Variants in NTM observed in about 807,000 individuals in gnomAD.
The protein encoded by NTM is IgLON family member 2.
Under a neutral mutation model 42.1 loss-of-function variants are expected in NTM, and 13 were observed. That is an observed-to-expected ratio of 0.31 (90% CI 0.20 to 0.49). The LOEUF (loss-of-function observed/expected upper bound fraction) is 0.49, where lower values mean the gene tolerates loss of function less well. NTM is among the 20% of genes least tolerant of loss of function. NTM has a pLI of 0.99. For synonymous variants in NTM, 187 were observed against 179.2 expected (o/e 1.04, Z -0.35); for missense variants, 373 against 452.8 (o/e 0.82, Z 1.60).
intron 1 of NTM, among the ~76,000 whole-genome samples, chr11:131,587,429 C>T (rs533533070): frequency 1.0e-4 from 15 of 143,696 alleles, no homozygotes; most frequent in Middle Eastern, 3.5e-3. Flanking sequence ...GCCTGGGAGA[C>T]GGAGCGAGAC....
At position 131,728,560 on chromosome 11, in the gene NTM, A is replaced by G. The variant is rs140209989; in HGVS notation, c.83-183004A>G. ...TGGATTTTTGTGGAGGCTTCATTAC[A>G]TAGGCATGGCTGATTAAAACCCATT... On this transcript the variant is annotated intron_variant, in intron 1 of 8. Transcript: ENST00000683400. Among the ~76,000 whole-genome samples, 446 of 152,320 alleles carry G rather than the reference A, an allele frequency of 2.9e-3. 8 individuals carry two copies. The highest frequency in any genetic ancestry group is 0.01 in the African/African-American group (425 of 41,582).
intron 7 of NTM, among the ~76,000 whole-genome samples, chr11:132,328,815 C>T (rs1390368468): frequency 6.6e-6 from 1 of 152,078 alleles, no homozygotes; most frequent in African/African-American, 2.4e-5. Context: ...ATAGCCCCTC[C>T]CCCTCCTTAG....
At chr11:132,285,262 T>C (rs1388888706) in intron 4 of NTM, among the ~76,000 whole-genome samples, 1 of 152,210 alleles carries the variant, frequency 6.6e-6, no homozygotes, top group Non-Finnish European at 1.5e-5. Flanking sequence ...GGAGCCATCC[T>C]ACCTGGTTCT....
chr11:131,770,223 G>A (rs2085834058), intron 1 of NTM, among the ~76,000 whole-genome samples: 1 of 152,230 alleles, frequency 6.6e-6, no homozygotes, highest in African/African-American at 2.4e-5. Context: ...TCCCCTGACA[G>A]AGGAGACCAG....
At chr11:132,196,129 G>T (rs1424654526) in intron 3 of NTM, among the ~76,000 whole-genome samples, 1 of 152,062 alleles carries the variant, frequency 6.6e-6, no homozygotes, top group Non-Finnish European at 1.5e-5. Flanking sequence ...TAAAAAATAG[G>T]CGAAGGACAT....
intron 2 of NTM, among the ~76,000 whole-genome samples, chr11:131,975,292 T>C (rs1160263434): frequency 6.6e-6 from 1 of 152,120 alleles, no homozygotes; most frequent in African/African-American, 2.4e-5. Flanking sequence ...GCAATTCTTC[T>C]GCCTCAGCCT....
intron 1 of NTM, among the ~76,000 whole-genome samples, chr11:131,658,966 C>T (rs1036342149): frequency 6.6e-6 from 1 of 151,106 alleles, no homozygotes; most frequent in African/African-American, 2.4e-5. Context: ...AGCGAGACTC[C>T]AAAAAGAAAA....
rs111313978 is a variant in NTM, at chr11:132,335,729, C to CT, written c.*597dup. On this transcript the variant is annotated 3_prime_UTR_variant, in exon 9 of 9. Coordinates refer to ENST00000683400, the MANE Select transcript of NTM (RefSeq NM_001352005.2). ...ACAAGTCACAAAAGATACCGTTAAA[C>CT]TTTTTTTTTTTTTTATCATTTTACT... 15,623 of 144,892 alleles carry CT rather than the reference C, an allele frequency of 0.11. 1,214 individuals carry two copies. The highest frequency in any genetic ancestry group is 0.27 in the South Asian group (1,207 of 4,548). 9.0% of individuals were successfully genotyped at this position (144,892 alleles called of 1,614,324 possible).
chr11:131,516,624 G>A (rs1349729846), intron 1 of NTM, among the ~76,000 whole-genome samples: 1 of 152,024 alleles, frequency 6.6e-6, no homozygotes, highest in East Asian at 1.9e-4. Context: ...CACCCACCTC[G>A]GCTTCTGAAA....
At position 131,458,175 on chromosome 11, in the gene NTM, TGAAAA is replaced by T. The variant is rs561585613; in HGVS notation, c.82+87291_82+87295del. On this transcript the variant is annotated intron_variant, in intron 1 of 8. Coordinates refer to ENST00000683400, the MANE Select transcript of NTM (RefSeq NM_001352005.2). ...AAGGAAGAGCCTGGAGGCAGGAGGA[TGAAAA>T]GAAGAGAGTGGGTTCTTGGTTTACA... Among the ~76,000 whole-genome samples, 14 of 152,238 alleles carry T rather than the reference TGAAAA, an allele frequency of 9.2e-5. No individual in the cohort carries two copies. In the East Asian group the frequency reaches 2.7e-3, roughly 29 times the overall value.
intron 1 of NTM, among the ~76,000 whole-genome samples, chr11:131,821,686 T>C (rs989500793): frequency 1.3e-5 from 2 of 152,196 alleles, no homozygotes; most frequent in Non-Finnish European, 2.9e-5. Context: ...AAATGCATGC[T>C]TTGCTCTGCG....
intron 4 of NTM, among the ~76,000 whole-genome samples, chr11:132,298,408 C>G (rs2140090105): frequency 6.6e-6 from 1 of 152,270 alleles, no homozygotes; most frequent in South Asian, 2.1e-4. Context: ...CTCTAAACAC[C>G]CAGCTGTGTG....
At chr11:131,988,750 A>T (rs1203307150) in intron 2 of NTM, among the ~76,000 whole-genome samples, 1 of 152,210 alleles carries the variant, frequency 6.6e-6, no homozygotes, top group Non-Finnish European at 1.5e-5. Flanking sequence ...ATTGATGGCC[A>T]GCAGAGGCAG....
At chr11:132,243,920 G>T (rs1436956805) in intron 4 of NTM, among the ~76,000 whole-genome samples, 2 of 152,146 alleles carry the variant, frequency 1.3e-5, no homozygotes, top group Admixed American at 1.3e-4. Flanking sequence ...AGGCTGCCAG[G>T]GTTTAGACCC....
chr11:132,077,935 G>A (rs1026881416), intron 2 of NTM, among the ~76,000 whole-genome samples: 2 of 152,030 alleles, frequency 1.3e-5, no homozygotes, highest in African/African-American at 2.4e-5. Flanking sequence ...CATAATATAC[G>A]TATATTTATT....
intron 1 of NTM, among the ~76,000 whole-genome samples, chr11:131,382,479 A>G (rs879092855): frequency 6.6e-6 from 1 of 152,156 alleles, no homozygotes; most frequent in African/African-American, 2.4e-5. Context: ...CATAGTTATA[A>G]AGTTATCATC....
At chr11:131,717,642 G>A (rs939920736) in intron 1 of NTM, among the ~76,000 whole-genome samples, 5 of 152,086 alleles carry the variant, frequency 3.3e-5, no homozygotes, top group African/African-American at 1.2e-4. Flanking sequence ...TATTCTATAT[G>A]GCAATCAAGT....
chr11:132,315,007 C>T (rs1235007125), intron 7 of NTM: 1 of 1,139,108 alleles, frequency 8.8e-7, no homozygotes, highest in Non-Finnish European at 1.1e-6. Flanking sequence ...AAAGAATGTT[C>T]ATGTTTCATT....
chr11:132,325,082 G>A (rs1472246206), intron 7 of NTM, among the ~76,000 whole-genome samples: 1 of 151,890 alleles, frequency 6.6e-6, no homozygotes, highest in African/African-American at 2.4e-5. Flanking sequence ...AGAAAACCTA[G>A]GCATTACCAT....
Sources: gnomAD v4.1 joint callset for allele counts (sites outside exome capture counted in the v4.1 genomes callset) on GRCh38, gnomAD v4.1.1 for gene constraint, MANE v1.5 for transcripts, NCBI Gene and HGNC (gene_info 2026-07-23, HGNC 2026-07-21) for gene names.